The following PVT1 variants were observed in gnomAD, a reference collection of about 807,000 sequenced individuals.
The protein encoded by PVT1 is CXCR4/PVT1 fusion.
intron 5 of PVT1, among the ~76,000 whole-genome samples, chr8:128,081,360 A>C (rs898796341): frequency 2.0e-5 from 3 of 152,234 alleles, no homozygotes; most frequent in Admixed American, 6.5e-5. Context: ...ACATTCGTAC[A>C]TAGGTTTTTG....
chr8:127,999,185 A>C (rs1285828527), intron 4 of PVT1: 1 of 152,156 alleles, frequency 6.6e-6, no homozygotes, highest in Non-Finnish European at 1.5e-5. Flanking sequence ...CCCCAGGGTG[A>C]GGCTTATCCA....
chr8:128,028,080 A>G (rs1813335440), intron 4 of PVT1, among the ~76,000 whole-genome samples: 1 of 152,218 alleles, frequency 6.6e-6, no homozygotes, highest in Non-Finnish European at 1.5e-5. Flanking sequence ...AAACCAGCCC[A>G]CACGGCCTCC....
intron 5 of PVT1, among the ~76,000 whole-genome samples, chr8:128,092,376 C>T (rs1814367845): frequency 6.6e-6 from 1 of 152,196 alleles, no homozygotes; most frequent in Admixed American, 6.5e-5. Context: ...CTTCCTCTGA[C>T]TGATCCAGCC....
chr8:127,961,384 G>C (rs1051541820), intron 3 of PVT1, among the ~76,000 whole-genome samples: 1 of 152,168 alleles, frequency 6.6e-6, no homozygotes, highest in African/African-American at 2.4e-5. Context: ...AGAGCCTCTG[G>C]GGTTACAGGA....
chr8:128,039,917 C>T (rs564686819), intron 4 of PVT1, among the ~76,000 whole-genome samples: 19 of 152,200 alleles, frequency 1.2e-4, no homozygotes, highest in Admixed American at 9.2e-4. Context: ...TATGGGGTGC[C>T]GTAAGAAATA....
intron 3 of PVT1, among the ~76,000 whole-genome samples, chr8:127,962,687 C>T (rs1330377012): frequency 6.6e-6 from 1 of 152,044 alleles, no homozygotes; most frequent in Non-Finnish European, 1.5e-5. Flanking sequence ...GCCTCTGCCT[C>T]CTGGGTTCAA....
chr8:127,860,194 G>C (rs905618013), intron 2 of PVT1, among the ~76,000 whole-genome samples: 2 of 152,328 alleles, frequency 1.3e-5, no homozygotes, highest in Admixed American at 6.5e-5. Flanking sequence ...AGCAGGTCCT[G>C]GTGGCGGAGG....
intron 4 of PVT1, among the ~76,000 whole-genome samples, chr8:128,025,262 G>A (rs1279263405): frequency 7.9e-5 from 12 of 152,142 alleles, no homozygotes; most frequent in Admixed American, 7.2e-4. Flanking sequence ...CTGGGTGTTC[G>A]GGGCCTCGGG....
chr8:127,861,225 T>C (rs1815224635), intron 2 of PVT1, among the ~76,000 whole-genome samples: 1 of 152,188 alleles, frequency 6.6e-6, no homozygotes, highest in Non-Finnish European at 1.5e-5. Flanking sequence ...CCTTTTTTAT[T>C]GAGACAGAGT....
intron 5 of PVT1, among the ~76,000 whole-genome samples, chr8:128,094,647 G>A (rs1294779622): frequency 3.3e-5 from 5 of 152,230 alleles, no homozygotes; most frequent in Admixed American, 2.0e-4. Context: ...AAATGTTAAA[G>A]TGCTTGATAT....
chr8:127,945,623 C>T lies in PVT1; in HGVS notation n.783-43539C>T, dbSNP rs909066521. On this transcript the variant is annotated intron_variant and non_coding_transcript_variant, in intron 3 of 10. Transcript: ENST00000651587. ...TGTGCCCTGACAACCTAGGAGGACA[C>T]GCTGGTCTGGTCCATTGCTTATCTG... 4.6e-5 allele frequency among the ~76,000 whole-genome samples: 7 copies of T among 152,206 alleles called. No homozygotes were observed. The East Asian group carries it at 5.8e-4, about 13-fold the overall frequency.
chr8:127,813,775 C>T (rs765418373), intron 2 of PVT1, among the ~76,000 whole-genome samples: 4 of 152,332 alleles, frequency 2.6e-5, no homozygotes, highest in South Asian at 2.1e-4. Flanking sequence ...TCAAACCAAA[C>T]GTGAACAGGA....
intron 3 of PVT1, among the ~76,000 whole-genome samples, chr8:127,981,482 G>C (rs568464097): frequency 2.0e-5 from 3 of 152,186 alleles, no homozygotes; most frequent in African/African-American, 7.2e-5. Flanking sequence ...ACGCTTTTAC[G>C]GAAAACAATG....
Position 127,909,054 on chromosome 8 carries a change from G to A in PVT1, n.782+18056G>A, listed in dbSNP as rs180861678. Among the ~76,000 whole-genome samples the A allele has an allele frequency of 1.7e-3, 264 of 152,246 alleles. 1 individual carries two copies. Among genetic ancestry groups the A allele is most frequent in the African/African-American group, 6.0e-3 (249 of 41,540 alleles). On this transcript the variant is annotated intron_variant and non_coding_transcript_variant, in intron 3 of 10. Transcript: ENST00000651587. ...CCTGCCATTTAGGTCCATGTCTCTC[G>A]TGATCCTGTGTGTATTTCCAGTGGA...
At chr8:128,058,378 A>ATGTGTGTGTGTGTG (rs3041914) in intron 4 of PVT1, among the ~76,000 whole-genome samples, 29 of 146,578 alleles carry the variant, frequency 2.0e-4, no homozygotes, top group South Asian at 6.6e-4. Context: ...AAACTGATGC[A>ATGTGTGTGTGTGTG]TGTGTGTGTG....
At chr8:127,846,582 C>T (rs1310281802) in intron 2 of PVT1, among the ~76,000 whole-genome samples, 3 of 152,190 alleles carry the variant, frequency 2.0e-5, no homozygotes, top group African/African-American at 4.8e-5. Flanking sequence ...CCACCACCCA[C>T]GGAGACTAGC....
At chr8:127,909,326 C>T (rs2129841601) in intron 3 of PVT1, among the ~76,000 whole-genome samples, 1 of 152,342 alleles carries the variant, frequency 6.6e-6, no homozygotes, top group East Asian at 1.9e-4. Flanking sequence ...AGAGCTCTCT[C>T]TCCCCAAATC....
At chr8:127,830,394 C>A (rs974839055) in intron 2 of PVT1, among the ~76,000 whole-genome samples, 9 of 148,266 alleles carry the variant, frequency 6.1e-5, no homozygotes, top group Non-Finnish European at 1.3e-4. Flanking sequence ...AAGGAGCTTG[C>A]TATGTGGGGG....
chr8:127,897,633 CAGACAAAG>C (rs1005455256), intron 3 of PVT1, among the ~76,000 whole-genome samples: 2 of 103,098 alleles, frequency 1.9e-5, no homozygotes, highest in African/African-American at 9.3e-5. Flanking sequence ...GAAAGAAAGA[CAGACAAAG>C]AAAGAAAGAC....
Sources: gnomAD v4.1 joint callset for allele counts (sites outside exome capture counted in the v4.1 genomes callset) on GRCh38, gnomAD v4.1.1 for gene constraint, MANE v1.5 for transcripts, NCBI Gene and HGNC (gene_info 2026-07-23, HGNC 2026-07-21) for gene names.